The following PRKN variants were observed in gnomAD, a reference collection of about 807,000 sequenced individuals.
PRKN encodes E3 ubiquitin-protein ligase parkin.
A neutral mutation model predicts 59.5 loss-of-function variants in PRKN; 56 were observed. The observed-to-expected ratio is 0.94, with a 90% CI of 0.76 to 1.18. The LOEUF (loss-of-function observed/expected upper bound fraction) is 1.18. PRKN is among the 50% of genes most tolerant of loss of function. The probability of loss-of-function intolerance (pLI) is 0.00; values close to 1 mark genes in which losing one functional copy is unlikely to be tolerated. For synonymous variants in PRKN, 250 were observed against 222.1 expected, an observed-to-expected ratio of 1.13 and a Z score of -1.12; for missense variants, 657 against 596.4, an observed-to-expected ratio of 1.10 and a Z score of -1.06.
intron 6 of PRKN, among the ~76,000 whole-genome samples, chr6:161,970,380 G>C (rs921418182): frequency 1.5e-4 from 22 of 142,826 alleles, no homozygotes; most frequent in African/African-American, 5.1e-4. Flanking sequence ...CTGCTAAATG[G>C]AAAAAGCATG....
intron 1 of PRKN, among the ~76,000 whole-genome samples, chr6:162,486,230 G>A (rs552563110): frequency 3.9e-5 from 6 of 152,066 alleles, no homozygotes; most frequent in Non-Finnish European, 5.9e-5. Context: ...GTATATGTAC[G>A]TATGTATGAA....
At chr6:162,446,466 T>A (rs981759418) in intron 1 of PRKN, among the ~76,000 whole-genome samples, 1 of 152,138 alleles carries the variant, frequency 6.6e-6, no homozygotes, top group African/African-American at 2.4e-5. Context: ...CTGCAAAAAA[T>A]ATTAAAGATA....
At chr6:162,204,193 G>A (rs1784843116) in intron 3 of PRKN, among the ~76,000 whole-genome samples, 1 of 152,062 alleles carries the variant, frequency 6.6e-6, no homozygotes, top group South Asian at 2.1e-4. Flanking sequence ...GACTAATCAG[G>A]TATATTTTAA....
At chr6:162,111,322 G>A (rs530528722) in intron 4 of PRKN, among the ~76,000 whole-genome samples, 4 of 151,972 alleles carry the variant, frequency 2.6e-5, no homozygotes, top group Non-Finnish European at 2.9e-5. Flanking sequence ...AAAATTACCC[G>A]AGTGTTGTGG....
At chr6:162,252,358 A>G (rs1215118456) in intron 3 of PRKN, among the ~76,000 whole-genome samples, 1 of 152,212 alleles carries the variant, frequency 6.6e-6, no homozygotes, top group Non-Finnish European at 1.5e-5. Context: ...TTTTGAAGTC[A>G]GGGTACCTTC....
At chr6:162,471,486 A>G (rs1333043893) in intron 1 of PRKN, among the ~76,000 whole-genome samples, 3 of 152,188 alleles carry the variant, frequency 2.0e-5, no homozygotes, top group Non-Finnish European at 4.4e-5. Context: ...TATTCCCGCT[A>G]TATGTTCTCC....
Position 161,578,804 on chromosome 6 carries a change from C to T in PRKN, c.872-9388G>A, listed in dbSNP as rs1480193354. 6.6e-6 allele frequency among the ~76,000 whole-genome samples: 1 copy of T among 152,220 alleles called. No homozygotes were observed. The highest frequency in any genetic ancestry group is 1.5e-5 in the Non-Finnish European group (1 of 68,026). ...CAGTAACAAAAGATGAAAAACACTT[C>T]TCATTTTTCTTATTTGTATGTCATT... On this transcript the variant is annotated intron_variant, in intron 7 of 11. Transcript: ENST00000366898. The surrounding 1 kb of genome is among the most constrained non-coding windows in gnomAD (Gnocchi z 4.2).
intron 6 of PRKN, among the ~76,000 whole-genome samples, chr6:161,902,576 T>TTTTTTTG (rs1777973713): frequency 3.3e-5 from 3 of 89,702 alleles, no homozygotes; most frequent in African/African-American, 1.2e-4. Context: ...TTTTTTTTTT[T>TTTTTTTG]TGCGACAGAG....
At position 161,549,137 on chromosome 6, in the gene PRKN, T is replaced by C; in HGVS notation, c.934-134A>G. The C allele has an allele frequency of 1.2e-6, 1 of 801,932 alleles. No homozygotes were observed. Among genetic ancestry groups the C allele is most frequent in the Non-Finnish European group, 2.0e-6 (1 of 492,326 alleles). The allele number at this position is 801,932 out of a possible 1,614,324, so 49.7% of individuals were successfully genotyped here. A position where few individuals can be genotyped will look rare whatever the true frequency, so the allele number is the denominator to read the frequency against. On this transcript the variant is annotated intron_variant, in intron 8 of 11. Coordinates refer to ENST00000366898, the MANE Select transcript of PRKN (RefSeq NM_004562.3). The surrounding 1 kb of genome is among the most constrained non-coding windows in gnomAD (Gnocchi z 6.0). ...TAATGCATGTGTGTGTGTGTGTGTG[T>C]GTGTAGGGGGAGGGAGAGGGCCACG...
At chr6:162,080,672 C>T (rs927305680) in intron 4 of PRKN, among the ~76,000 whole-genome samples, 2 of 152,052 alleles carry the variant, frequency 1.3e-5, no homozygotes, top group Non-Finnish European at 2.9e-5. Flanking sequence ...GGTCTTGCGT[C>T]GATGCTGATG....
chr6:162,675,552 T>C (rs796320193), intron 1 of PRKN, among the ~76,000 whole-genome samples: 4 of 152,200 alleles, frequency 2.6e-5, no homozygotes, highest in African/African-American at 9.6e-5. Flanking sequence ...GTAATGACAC[T>C]TACTCTATCA....
At chr6:161,874,195 A>T (rs1241106441) in intron 6 of PRKN, among the ~76,000 whole-genome samples, 15 of 61,266 alleles carry the variant, frequency 2.4e-4, no homozygotes, top group African/African-American at 4.7e-4. Context: ...ATAATATATA[A>T]TATATATTAT....
chr6:162,585,742 G>A (rs556407447), intron 1 of PRKN, among the ~76,000 whole-genome samples: 11 of 151,824 alleles, frequency 7.2e-5, no homozygotes, highest in Admixed American at 2.0e-4. Context: ...TGCTCTTGTC[G>A]CCCAAGCTGG....
intron 4 of PRKN, among the ~76,000 whole-genome samples, chr6:162,094,093 G>A (rs1316540517): frequency 6.6e-6 from 1 of 152,158 alleles, no homozygotes; most frequent in Non-Finnish European, 1.5e-5. Flanking sequence ...GTCGAGATGA[G>A]ACGAAAACAC....
In PRKN at chr6:161,400,496, C is replaced by T. The variant is rs551585558; in HGVS notation, c.1084-13619G>A. Among the ~76,000 whole-genome samples the T allele has an allele frequency of 8.6e-5, 13 of 151,942 alleles. No individual in the cohort carries two copies. The highest frequency in any genetic ancestry group is 3.4e-3 in the Middle Eastern group (1 of 294). ...CTAATTTTTGTATTTTTAGTAGAGA[C>T]GGGGTTTCGCTTTCGCCATATTGGC... On this transcript the variant is annotated intron_variant, in intron 9 of 11. Coordinates refer to ENST00000366898, the MANE Select transcript of PRKN (RefSeq NM_004562.3). This position sits in a 1 kb window ranked among gnomAD's most constrained non-coding sequence, Gnocchi z 4.2.
At chr6:162,072,056 A>G (rs1038046213) in intron 4 of PRKN, among the ~76,000 whole-genome samples, 12 of 152,180 alleles carry the variant, frequency 7.9e-5, no homozygotes, top group Non-Finnish European at 1.5e-4. Flanking sequence ...TGAGCATCTA[A>G]AAAGTGACAC....
chr6:161,506,827 A>C (rs505845), intron 9 of PRKN, among the ~76,000 whole-genome samples: 1 of 152,150 alleles, frequency 6.6e-6, no homozygotes, highest in Admixed American at 6.5e-5. Context: ...GTTGTAAACT[A>C]GGCCATTGGT....
rs750474323 is a variant in PRKN, at chr6:162,163,860, C to T, written c.534+37271G>A. On this transcript the variant is annotated intron_variant, in intron 4 of 11. Coordinates refer to ENST00000366898, the MANE Select transcript of PRKN (RefSeq NM_004562.3). ...CCTGCACCCACAACCAGGAATTAGG[C>T]TCCACGTTCACCTGCTCTGCAGCTA... 1.3e-5 allele frequency among the ~76,000 whole-genome samples: 2 copies of T among 149,098 alleles called. 1 individual carries two copies. Among genetic ancestry groups the T allele is most frequent in the Non-Finnish European group, 3.0e-5 (2 of 67,432 alleles).
intron 6 of PRKN, among the ~76,000 whole-genome samples, chr6:161,950,227 A>G (rs1394485802): frequency 6.6e-6 from 1 of 152,224 alleles, no homozygotes; most frequent in African/African-American, 2.4e-5. Flanking sequence ...GAAAACATGA[A>G]TGGACCCAAC....
Sources: allele counts gnomAD v4.1 joint callset (sites outside exome capture counted in the v4.1 genomes callset), GRCh38; gene constraint gnomAD v4.1.1; non-coding constraint Gnocchi (gnomAD v3.1); transcripts MANE v1.5; gene names NCBI Gene and HGNC (gene_info 2026-07-23, HGNC 2026-07-21).